The following JAZF1 variants were observed in gnomAD, a reference collection of about 807,000 sequenced individuals.
JAZF1 encodes the protein juxtaposed with another zinc finger protein 1.
Under a neutral mutation model 26.4 loss-of-function variants are expected in JAZF1, and 8 were observed. The observed-to-expected ratio is 0.30, with a 90% CI of 0.18 to 0.55. The LOEUF (loss-of-function observed/expected upper bound fraction) is 0.55. JAZF1 is among the 20% of genes least tolerant of loss of function. The probability of loss-of-function intolerance (pLI) is 0.94; values close to 1 mark genes in which losing one functional copy is unlikely to be tolerated. For synonymous variants in JAZF1, 126 were observed against 122.3 expected, an observed-to-expected ratio of 1.03 and a Z score of -0.20; for missense variants, 199 against 322.0, an observed-to-expected ratio of 0.62 and a Z score of 2.92.
intron 1 of JAZF1, among the ~76,000 whole-genome samples, chr7:28,110,577 GGGAAAA>G (rs1413234631): frequency 0.078 from 8,743 of 112,462 alleles, 662 homozygotes; most frequent in East Asian, 0.4. Context: ...AAAAGGGAAA[GGGAAAA>G]GGAAAAGGAA....
chr7:28,072,067 A>G (rs76321133), intron 1 of JAZF1, among the ~76,000 whole-genome samples: 2,042 of 152,374 alleles, frequency 0.013, 36 homozygotes, highest in Non-Finnish European at 0.021. Context: ...ATCAAAATGA[A>G]GAACTTCTGA....
At chr7:28,019,624 C>T (rs998874371) in intron 1 of JAZF1, among the ~76,000 whole-genome samples, 1 of 152,026 alleles carries the variant, frequency 6.6e-6, no homozygotes, top group Admixed American at 6.6e-5. Flanking sequence ...CTTTTCCTAC[C>T]CCCCTCCTTG....
At chr7:27,888,030 A>G (rs1261378262) in intron 3 of JAZF1, among the ~76,000 whole-genome samples, 1 of 152,224 alleles carries the variant, frequency 6.6e-6, no homozygotes, top group Non-Finnish European at 1.5e-5. Context: ...AGGCCAGGAA[A>G]GGGTCTTTCA....
intron 1 of JAZF1, among the ~76,000 whole-genome samples, chr7:28,088,218 T>C (rs1304733053): frequency 6.6e-6 from 1 of 152,160 alleles, no homozygotes; most frequent in Non-Finnish European, 1.5e-5. Context: ...CCAACAGCAG[T>C]TTCAACTGGT....
rs1440552273 is a variant in JAZF1 at position 28,131,468 on chromosome 7, C to G, written c.115+48995G>C. On this transcript the variant is annotated intron_variant, in intron 1 of 4. Coordinates refer to ENST00000283928, the MANE Select transcript of JAZF1 (RefSeq NM_175061.4). ...TTCTCTCCTTACATAAATAAAACCA[C>G]GATATGCACTAGATGACTAGAATCT... Among the ~76,000 whole-genome samples the G allele has an allele frequency of 4.6e-5, 7 of 152,120 alleles. No individual in the cohort carries two copies. In the East Asian group the frequency reaches 1.3e-3, roughly 29 times the overall value.
At chr7:28,051,471 C>T (rs934566783) in intron 1 of JAZF1, among the ~76,000 whole-genome samples, 38 of 151,996 alleles carry the variant, frequency 2.5e-4, no homozygotes, top group Admixed American at 4.6e-4. Context: ...CTCAGCCTCC[C>T]AAAGTGCTGA....
chr7:27,972,750 C>T (rs374858324), intron 2 of JAZF1, among the ~76,000 whole-genome samples: 183 of 151,956 alleles, frequency 1.2e-3, no homozygotes, highest in Non-Finnish European at 2.1e-3. Context: ...TAGTATTTTG[C>T]GTTGCTGTTA....
chr7:28,006,639 C>T (rs539627809), intron 1 of JAZF1, among the ~76,000 whole-genome samples: 2 of 152,306 alleles, frequency 1.3e-5, no homozygotes, highest in East Asian at 3.9e-4. Flanking sequence ...TGACCCACCC[C>T]ACTTCCCAGA....
At chr7:28,150,020 A>G (rs1192174034) in intron 1 of JAZF1, among the ~76,000 whole-genome samples, 1 of 152,134 alleles carries the variant, frequency 6.6e-6, no homozygotes, top group African/African-American at 2.4e-5. Context: ...GACAAACATT[A>G]CCTGGCTTCT....
chr7:28,150,713 TG>T (rs1783099557), intron 1 of JAZF1, among the ~76,000 whole-genome samples: 2 of 152,116 alleles, frequency 1.3e-5, no homozygotes, highest in East Asian at 1.9e-4. Flanking sequence ...AGCACTCAGG[TG>T]GGGTCTGAAG....
chr7:27,905,440 T>C (rs1387522301), intron 2 of JAZF1, among the ~76,000 whole-genome samples: 4 of 151,822 alleles, frequency 2.6e-5, no homozygotes, highest in Non-Finnish European at 1.5e-5. Context: ...TCTTTCTTTT[T>C]TTTTTTTGTG....
chr7:28,019,393 A>C (rs982959195), intron 1 of JAZF1, among the ~76,000 whole-genome samples: 6 of 152,156 alleles, frequency 3.9e-5, no homozygotes, highest in African/African-American at 1.4e-4. Context: ...GCCCCTTCTC[A>C]TATTCCACCT....
At chr7:28,156,489 T>C (rs1314135399) in intron 1 of JAZF1, among the ~76,000 whole-genome samples, 1 of 152,188 alleles carries the variant, frequency 6.6e-6, no homozygotes, top group African/African-American at 2.4e-5. Flanking sequence ...GAGAAAATGT[T>C]TGTTGATTCC....
intron 2 of JAZF1, among the ~76,000 whole-genome samples, chr7:27,987,339 C>T (rs1054742528): frequency 5.9e-5 from 9 of 151,776 alleles, no homozygotes; most frequent in African/African-American, 1.2e-4. Context: ...TGTCTCTGCC[C>T]GACCGCCACC....
chr7:28,116,186 A>C (rs1784738854), intron 1 of JAZF1, among the ~76,000 whole-genome samples: 1 of 152,164 alleles, frequency 6.6e-6, no homozygotes, highest in African/African-American at 2.4e-5. Flanking sequence ...TGCTGGGTCA[A>C]AGGGTAATTG....
chr7:27,883,071 G>A (rs1431618385), intron 3 of JAZF1, among the ~76,000 whole-genome samples: 1 of 152,216 alleles, frequency 6.6e-6, no homozygotes, highest in East Asian at 1.9e-4. Flanking sequence ...AAATTACTGA[G>A]AAGTGTGCAC....
chr7:28,151,104 TATA>T (rs764389710), intron 1 of JAZF1, among the ~76,000 whole-genome samples: 11,559 of 98,098 alleles, frequency 0.12, 1,467 homozygotes, highest in African/African-American at 0.32. Context: ...GATATATATA[TATA>T]TATATTTTTT....
At chr7:28,066,220 G>T (rs1270690293) in intron 1 of JAZF1, among the ~76,000 whole-genome samples, 1 of 152,174 alleles carries the variant, frequency 6.6e-6, no homozygotes, top group Admixed American at 6.5e-5. Context: ...TTCACCAGAG[G>T]TATTTCTAAG....
At chr7:27,892,797 G>A (rs1783993711) in intron 3 of JAZF1, among the ~76,000 whole-genome samples, 1 of 152,156 alleles carries the variant, frequency 6.6e-6, no homozygotes, top group African/African-American at 2.4e-5. Context: ...TTGTCCTCTA[G>A]AAGCATGACC....
Sources: gnomAD v4.1 joint callset for allele counts (sites outside exome capture counted in the v4.1 genomes callset) on GRCh38, gnomAD v4.1.1 for gene constraint, MANE v1.5 for transcripts, NCBI Gene and HGNC (gene_info 2026-07-23, HGNC 2026-07-21) for gene names.